Variants in CRYBB1 observed in about 807,000 individuals in gnomAD.
The protein encoded by CRYBB1 is beta-crystallin B1.
In CRYBB1, 16 loss-of-function variants were observed where a neutral mutation model predicts 29.5. That is an observed-to-expected ratio of 0.54 (90% CI 0.37 to 0.82). CRYBB1 has a LOEUF of 0.82. Ranked by LOEUF, CRYBB1 falls within the 40% of genes least tolerant of loss-of-function variation. CRYBB1 has a pLI of 0.00. For missense variants in CRYBB1, 300 were observed against 350.5 expected (o/e 0.86, Z 1.15); for synonymous variants, 127 against 136.7 (o/e 0.93, Z 0.49).
At chr22:26,617,336 AC>A (rs1254016400) in intron 1 of CRYBB1, among the ~76,000 whole-genome samples, 1 of 152,126 alleles carries the variant, frequency 6.6e-6, no homozygotes, top group East Asian at 1.9e-4. Flanking sequence ...GGATTTGAGG[AC>A]CCCCTGCTAG....
chr22:26,617,706 T>G (rs947057108), intron 1 of CRYBB1, among the ~76,000 whole-genome samples: 1 of 152,068 alleles, frequency 6.6e-6, no homozygotes, highest in African/African-American at 2.4e-5. Context: ...TCTCTGTTCC[T>G]CTCTCCCCCA....
At chr22:26,613,124 C>CA (rs1206301311) in intron 2 of CRYBB1, among the ~76,000 whole-genome samples, 1 of 152,224 alleles carries the variant, frequency 6.6e-6, no homozygotes, top group Non-Finnish European at 1.5e-5. Context: ...GCTCAGGAGA[C>CA]ACTTGCAAAT....
At chr22:26,610,093 C>G (rs1929111157) in intron 3 of CRYBB1, among the ~76,000 whole-genome samples, 1 of 152,124 alleles carries the variant, frequency 6.6e-6, no homozygotes, top group African/African-American at 2.4e-5. Flanking sequence ...TTCAGCAGGA[C>G]CAGTGAGGAT....
At chr22:26,604,433 C>A (rs1474773921) in intron 4 of CRYBB1, among the ~76,000 whole-genome samples, 1 of 152,126 alleles carries the variant, frequency 6.6e-6, no homozygotes, top group Non-Finnish European at 1.5e-5. Flanking sequence ...GAAGAGGAGC[C>A]CAGAACGTAA....
intron 4 of CRYBB1, 37 bp from the exon 5 acceptor site, chr22:26,602,058 C>G (rs1928839224): frequency 6.2e-7 from 1 of 1,610,610 alleles, no homozygotes. Context: ...GTGTGAAGTA[C>G]AAATGGGACA....
Position 26,607,785 on chromosome 22 carries a change from T to C in CRYBB1, c.432+104A>G, listed in dbSNP as rs953685086. 7 of 1,540,258 alleles carry C rather than the reference T, an allele frequency of 4.5e-6. No homozygotes were observed. The African/African-American group carries it at 8.2e-5, about 18-fold the overall frequency. On this transcript the variant is annotated intron_variant, in intron 4 of 5. Coordinates refer to ENST00000647684, the MANE Select transcript of CRYBB1 (RefSeq NM_001887.4). ...TTGACAACTCGGAGGCTGCCACGCC[T>C]CCCTACCCACCATCATCTCCTTCTT... is the stretch of plus-strand genomic sequence containing the variant.
intron 3 of CRYBB1, 79 bp from the exon 4 acceptor site, chr22:26,608,100 C>G (rs927202946): frequency 1.9e-4 from 299 of 1,608,674 alleles, no homozygotes; most frequent in Non-Finnish European, 2.5e-4. Context: ...GCCTTTCTCT[C>G]TCCCCTGGCA....
At chr22:26,601,280 C>T (rs1174308562) in intron 5 of CRYBB1, among the ~76,000 whole-genome samples, 1 of 152,106 alleles carries the variant, frequency 6.6e-6, no homozygotes, top group African/African-American at 2.4e-5. Context: ...TCCATGTATT[C>T]TCATGACATA....
At chr22:26,610,520 A>G (rs746488940) in intron 3 of CRYBB1, among the ~76,000 whole-genome samples, 8 of 152,320 alleles carry the variant, frequency 5.3e-5, no homozygotes, top group Non-Finnish European at 1.2e-4. Flanking sequence ...CTGAAAACCC[A>G]TGCTGGCCAC....
chr22:26,602,799 G>A (rs1001960585), intron 4 of CRYBB1, among the ~76,000 whole-genome samples: 4 of 151,942 alleles, frequency 2.6e-5, no homozygotes, highest in African/African-American at 9.7e-5. Flanking sequence ...GTGAAACGTG[G>A]AACATTGGTG....
At chr22:26,613,333 A>G (rs1453123768) in intron 2 of CRYBB1, among the ~76,000 whole-genome samples, 2 of 152,196 alleles carry the variant, frequency 1.3e-5, no homozygotes, top group East Asian at 3.8e-4. Flanking sequence ...ACCATGACCC[A>G]GCACTTCCAC....
rs186415130 is a variant in CRYBB1 at position 26,601,899 on chromosome 22, G to A, written c.555C>T (p.Ser185=). ...CTTACGTTCCACTGGAGACCTTCAC[G>A]CTGCCCACGCGGTCACTGAAGCCGT... is the stretch of plus-strand genomic sequence containing the variant. ...WVYGFSDRVG[S]VKVSSGTWVG... Residue 185 remains serine (S), a synonymous_variant, in exon 5 of 6, where the codon AGC becomes AGT. Transcript: ENST00000647684. 1.4e-5 allele frequency: 23 copies of A among 1,612,172 alleles called. No homozygotes were observed. In the East Asian group the frequency reaches 3.6e-4, roughly 25 times the overall value.
At chr22:26,616,062 G>A (rs1473604006) in intron 2 of CRYBB1, 78 bp downstream of exon 2, 6 of 1,113,992 alleles carry the variant, frequency 5.4e-6, no homozygotes, top group Non-Finnish European at 8.3e-6. Context: ...AAGAGGAAGA[G>A]GAGGAGGAGA....
In CRYBB1 at chr22:26,599,605, T is replaced by A. The variant is rs1233025673; in HGVS notation, c.644A>T (p.His215Leu). Residue 215 changes from histidine to leucine, a missense_variant, in exon 6 of 6, where the codon CAC (histidine) becomes CTC (leucine). Physicochemically the swap from His to Leu is moderately conservative, Grantham distance 99. Transcript: ENST00000647684. Reference protein sequence around the residue: ...QYLLEPGDFRHWNEWGAFQPQ... With the variant: ...QYLLEPGDFRLWNEWGAFQPQ... ...CTGGAAGGCTCCCCACTCATTCCAG[T>A]GCCGGAAGTCACCAGGCTCTAGGAG... is the stretch of plus-strand genomic sequence containing the variant. 5 of 1,614,040 alleles carry A rather than the reference T, an allele frequency of 3.1e-6. No homozygotes were observed. Among genetic ancestry groups the A allele is most frequent in the Non-Finnish European group, 3.4e-6 (4 of 1,180,008 alleles).
chr22:26,599,734 C>A, intron 5 of CRYBB1, 61 bp from the exon 6 acceptor site: 1 of 1,358,570 alleles, frequency 7.4e-7, no homozygotes, highest in Non-Finnish European at 1.1e-6. Context: ...GGCACCCAGA[C>A]CCCTGCCAGA....
At chr22:26,609,918 A>G (rs534806603) in intron 3 of CRYBB1, among the ~76,000 whole-genome samples, 2 of 152,304 alleles carry the variant, frequency 1.3e-5, no homozygotes, top group Admixed American at 6.5e-5. Flanking sequence ...ATGAGGGCCT[A>G]AAAGAGGGAA....
chr22:26,608,185 T>C (rs1447001975), intron 3 of CRYBB1, among the ~76,000 whole-genome samples, 164 bp from the exon 4 acceptor site: 3 of 152,196 alleles, frequency 2.0e-5, no homozygotes, highest in Non-Finnish European at 2.9e-5. Flanking sequence ...CTCTGACACT[T>C]ACAGGCTGTG....
chr22:26,603,501 G>A (rs112775076), intron 4 of CRYBB1, among the ~76,000 whole-genome samples: 26,793 of 151,898 alleles, frequency 0.18, 3,090 homozygotes, highest in East Asian at 0.37. Flanking sequence ...CTGCACTCCA[G>A]CCTGGGCGAC....
chr22:26,608,843 C>A (rs1929067208), intron 3 of CRYBB1, among the ~76,000 whole-genome samples: 1 of 152,014 alleles, frequency 6.6e-6, no homozygotes, highest in East Asian at 1.9e-4. Context: ...TATCTACCCT[C>A]AGATACCTAT....
Sources: gnomAD v4.1 joint callset for allele counts (sites outside exome capture counted in the v4.1 genomes callset) on GRCh38, gnomAD v4.1.1 for gene constraint, MANE v1.5 for transcripts, NCBI Gene and HGNC (gene_info 2026-07-23, HGNC 2026-07-21) for gene names.